The following PCDH7 variants were observed in gnomAD, a reference collection of about 807,000 sequenced individuals.
PCDH7 encodes the protein protocadherin-7.
A neutral mutation model predicts 58.9 loss-of-function variants in PCDH7; 17 were observed. The observed-to-expected ratio is 0.29, with a 90% CI of 0.20 to 0.43. PCDH7 has a LOEUF of 0.43. PCDH7 is among the 20% of genes least tolerant of loss of function. The pLI is 1.00. For missense variants in PCDH7, 1,274 were observed against 1,441.0 expected (o/e 0.88, Z 1.88); for synonymous variants, 664 against 616.4 (o/e 1.08, Z -1.14).
chr4:31,044,465 A>T (rs1002604326), intron 3 of PCDH7, among the ~76,000 whole-genome samples: 2 of 152,108 alleles, frequency 1.3e-5, no homozygotes, highest in Non-Finnish European at 2.9e-5. Flanking sequence ...ATTATCAGCA[A>T]GAAGAATGCA....
intron 3 of PCDH7, among the ~76,000 whole-genome samples, chr4:31,056,728 AAG>A (rs1158202996): frequency 6.6e-6 from 1 of 150,828 alleles, no homozygotes; most frequent in African/African-American, 2.5e-5. Context: ...AAGGGAAAGA[AAG>A]AGAAACGAAA....
At chr4:31,078,797 A>T (rs1759228861) in intron 3 of PCDH7, among the ~76,000 whole-genome samples, 1 of 152,032 alleles carries the variant, frequency 6.6e-6, no homozygotes, top group Admixed American at 6.6e-5. Flanking sequence ...AGAGCTTTCC[A>T]TACATGATGT....
intron 1 of PCDH7, among the ~76,000 whole-genome samples, chr4:30,880,504 C>T (rs72619197): frequency 0.19 from 29,289 of 152,064 alleles, 3,533 homozygotes; most frequent in East Asian, 0.29. Flanking sequence ...TCAATATAAA[C>T]ACCTCTGCAC....
At chr4:30,763,991 C>T (rs981364112) in intron 1 of PCDH7, among the ~76,000 whole-genome samples, 4 of 152,186 alleles carry the variant, frequency 2.6e-5, no homozygotes, top group African/African-American at 9.7e-5. Flanking sequence ...TCTAAATCCT[C>T]ACTCGGAGCT....
chr4:30,885,659 G>T (rs530503539), intron 1 of PCDH7, among the ~76,000 whole-genome samples: 2 of 152,018 alleles, frequency 1.3e-5, no homozygotes, highest in Admixed American at 6.6e-5. Flanking sequence ...AGCCTGCATC[G>T]CCAAGTCAAT....
rs191682194 is a variant in PCDH7 at position 30,924,262 on chromosome 4, C to A, written c.287+3893C>A. Among the ~76,000 whole-genome samples the A allele has an allele frequency of 5.9e-5, 9 of 152,274 alleles. No homozygotes were observed. The East Asian group carries it at 1.2e-3, about 20-fold the overall frequency. On this transcript the variant is annotated intron_variant, in intron 2 of 3. Coordinates refer to the PCDH7 transcript ENST00000509759. ...TTAATAAGCTCAGATATAGAAAACACCTTGCTTGGCTTCTCATCTCAATTT... is the reference window on the plus strand; with the variant it reads ...TTAATAAGCTCAGATATAGAAAACAACTTGCTTGGCTTCTCATCTCAATTT...
intron 3 of PCDH7, among the ~76,000 whole-genome samples, chr4:30,971,422 G>A (rs923580812): frequency 2.6e-5 from 4 of 152,140 alleles, no homozygotes; most frequent in South Asian, 2.1e-4. Context: ...GGATTATTTC[G>A]CTAAAATGTC....
At chr4:31,057,799 A>G (rs1157160537) in intron 3 of PCDH7, among the ~76,000 whole-genome samples, 1 of 152,136 alleles carries the variant, frequency 6.6e-6, no homozygotes, top group Non-Finnish European at 1.5e-5. Context: ...TACTAAATAC[A>G]TATAGCACAA....
chr4:31,137,193 CAT>C (rs1196591762), intron 3 of PCDH7, among the ~76,000 whole-genome samples: 1 of 152,074 alleles, frequency 6.6e-6, no homozygotes, highest in Non-Finnish European at 1.5e-5. Context: ...AGTCAAGAAA[CAT>C]AGAAAGAAAA....
intron 1 of PCDH7, among the ~76,000 whole-genome samples, chr4:30,905,563 G>A (rs1740812386): frequency 6.6e-6 from 1 of 152,122 alleles, no homozygotes; most frequent in Non-Finnish European, 1.5e-5. Flanking sequence ...TGGGTTTAAT[G>A]CCTGACTTTG....
intron 1 of PCDH7, among the ~76,000 whole-genome samples, chr4:30,897,408 A>C (rs907506417): frequency 6.6e-6 from 1 of 152,180 alleles, no homozygotes; most frequent in Non-Finnish European, 1.5e-5. Flanking sequence ...TTCCACATTC[A>C]TGCCAAAGTG....
chr4:31,128,126 T>C (rs1288355447), intron 3 of PCDH7, among the ~76,000 whole-genome samples: 1 of 151,606 alleles, frequency 6.6e-6, no homozygotes. Flanking sequence ...CACATATATA[T>C]GTATGCACAT....
chr4:31,047,633 TTGAC>T (rs1335147040), intron 3 of PCDH7, among the ~76,000 whole-genome samples: 7 of 152,262 alleles, frequency 4.6e-5, no homozygotes, highest in Middle Eastern at 3.4e-3. Flanking sequence ...GATTGATTGG[TTGAC>T]TGACTGATTT....
At chr4:30,734,759 T>C (rs1305141424), downstream of PCDH7, among the ~76,000 whole-genome samples, 1 of 152,114 alleles carries the variant, frequency 6.6e-6, no homozygotes, top group African/African-American at 2.4e-5. Flanking sequence ...TAAATGCTTG[T>C]TGAACAAATA....
intron 3 of PCDH7, among the ~76,000 whole-genome samples, chr4:31,072,486 T>C (rs1446350264): frequency 6.6e-6 from 1 of 152,018 alleles, no homozygotes; most frequent in African/African-American, 2.4e-5. Flanking sequence ...TGAGCATAAA[T>C]ACAGAGGAAA....
intron 3 of PCDH7, among the ~76,000 whole-genome samples, chr4:31,136,754 C>A (rs903765574): frequency 6.6e-6 from 1 of 152,076 alleles, no homozygotes; most frequent in African/African-American, 2.4e-5. Context: ...TCCTAAATTC[C>A]CCAAACCGGC....
chr4:31,111,059 A>G (rs1578825989), intron 3 of PCDH7, among the ~76,000 whole-genome samples: 1 of 152,114 alleles, frequency 6.6e-6, no homozygotes, highest in Non-Finnish European at 1.5e-5. Context: ...AATTACAGCT[A>G]TCATAGTGTC....
At chr4:30,764,998 C>T (rs1325776379) in intron 1 of PCDH7, among the ~76,000 whole-genome samples, 3 of 151,912 alleles carry the variant, frequency 2.0e-5, no homozygotes, top group Non-Finnish European at 2.9e-5. Context: ...GGATTACAGA[C>T]GTGAGCCACC....
rs201730903 is a variant in PCDH7 at position 30,886,722 on chromosome 4, T to C, written c.71-33431T>C. ...ACAATAGCAAAGACTTGGAACCAAC[T>C]CAAACGTCCAACAATGATAGACTGG... On this transcript the variant is annotated intron_variant, in intron 1 of 3. Transcript: ENST00000509759. Among the ~76,000 whole-genome samples, 107 of 151,240 alleles carry C rather than the reference T, an allele frequency of 7.1e-4. No homozygotes were observed. The East Asian group carries it at 0.021, about 29-fold the overall frequency.
Sources: allele counts gnomAD v4.1 joint callset (sites outside exome capture counted in the v4.1 genomes callset), GRCh38; gene constraint gnomAD v4.1.1; transcripts MANE v1.5; gene names NCBI Gene and HGNC (gene_info 2026-07-23, HGNC 2026-07-21).